Variants in PPP2R5A observed in about 807,000 individuals in gnomAD.
PPP2R5A encodes serine/threonine-protein phosphatase 2A 56 kDa regulatory subunit alpha isoform.
Under a neutral mutation model 64.2 loss-of-function variants are expected in PPP2R5A, and 25 were observed. That is an observed-to-expected ratio of 0.39 (90% CI 0.28 to 0.54). PPP2R5A has a LOEUF of 0.54. Ranked by LOEUF, PPP2R5A falls within the 20% of genes least tolerant of loss-of-function variation. PPP2R5A has a pLI of 0.67. For synonymous variants in PPP2R5A, 198 were observed against 201.2 expected, an observed-to-expected ratio of 0.98 and a Z score of 0.13; for missense variants, 425 against 576.3, an observed-to-expected ratio of 0.74 and a Z score of 2.69.
intron 1 of PPP2R5A, among the ~76,000 whole-genome samples, chr1:212,322,976 C>G (rs997681625): frequency 6.6e-6 from 1 of 152,030 alleles, no homozygotes; most frequent in African/African-American, 2.4e-5. Flanking sequence ...TTAGTAGAGA[C>G]GGTGTTTCAC....
chr1:212,347,601 G>A (rs551410506), intron 6 of PPP2R5A, among the ~76,000 whole-genome samples, 195 bp downstream of exon 6: 16 of 151,492 alleles, frequency 1.1e-4, no homozygotes, highest in African/African-American at 3.2e-4. Flanking sequence ...GTGCAATGGC[G>A]CGTTCTCGGC....
intron 11 of PPP2R5A, 53 bp from the exon 12 acceptor site, chr1:212,358,632 AT>A (rs1327315945): frequency 7.6e-7 from 1 of 1,318,534 alleles, no homozygotes; most frequent in African/African-American, 1.5e-5. Flanking sequence ...ATAGTGTTAC[AT>A]TTCCTCTCTG....
At position 212,360,908 on chromosome 1, in the gene PPP2R5A, A is replaced by G. The variant is rs1401763120; in HGVS notation, c.*138A>G. The G allele has an allele frequency of 2.7e-6, 2 of 735,848 alleles. No individual in the cohort carries two copies. Among genetic ancestry groups the G allele is most frequent in the East Asian group, 3.2e-5 (1 of 31,234 alleles). 45.6% of individuals were successfully genotyped at this position (735,848 alleles called of 1,614,324 possible). The stretch of plus-strand genomic sequence containing the variant: ...TTCTGGCAACTGTAAATGGAAAAAT[A>G]TATGGACTAAACGTAGCCCTGTGCT... On this transcript the variant is annotated 3_prime_UTR_variant, in exon 13 of 13. Coordinates refer to ENST00000261461, the MANE Select transcript of PPP2R5A (RefSeq NM_006243.4).
chr1:212,360,733 A>G lies in PPP2R5A; in HGVS notation c.1424A>G (p.Asn475Ser), dbSNP rs769301353. The G allele has an allele frequency of 6.3e-7, 1 of 1,594,256 alleles. No individual in the cohort carries two copies. Among genetic ancestry groups the G allele is most frequent in the Non-Finnish European group, 8.5e-7 (1 of 1,173,104 alleles). Reference protein sequence around the residue: ...KALEKQNSAYNMHSILSNTSA... With the variant: ...KALEKQNSAYSMHSILSNTSA... ...CTAGAAAAACAGAATAGTGCTTACAACATGCACAGTATTCTCAGCAATACA... is the reference window on the plus strand; with the variant it reads ...CTAGAAAAACAGAATAGTGCTTACAGCATGCACAGTATTCTCAGCAATACA... Residue 475 changes from asparagine to serine, a missense_variant, in exon 13 of 13, where the codon AAC becomes AGC. By Grantham distance (46) the Asn-to-Ser change is conservative. Transcript: ENST00000261461.
chr1:212,328,319 A>G (rs1382837582), intron 1 of PPP2R5A, among the ~76,000 whole-genome samples: 1 of 152,194 alleles, frequency 6.6e-6, no homozygotes, highest in East Asian at 1.9e-4. Context: ...TGTCTCAAAA[A>G]AATAAAAATT....
intron 4 of PPP2R5A, among the ~76,000 whole-genome samples, chr1:212,343,098 C>T (rs1054367319): frequency 6.6e-6 from 1 of 150,934 alleles, no homozygotes; most frequent in Non-Finnish European, 1.5e-5. Flanking sequence ...CAGGCACACG[C>T]CACCATGCCC....
intron 12 of PPP2R5A, among the ~76,000 whole-genome samples, 200 bp from the exon 13 acceptor site, chr1:212,360,438 C>A (rs11587555): frequency 2.6e-5 from 4 of 152,040 alleles, no homozygotes; most frequent in Non-Finnish European, 5.9e-5. Context: ...CTAGCTGGTA[C>A]AGGAGATGCA....
chr1:212,294,118 T>A (rs956885860), intron 1 of PPP2R5A, among the ~76,000 whole-genome samples: 2 of 152,140 alleles, frequency 1.3e-5, no homozygotes, highest in Non-Finnish European at 2.9e-5. Context: ...AATTGTATAT[T>A]TTTTTTCAGC....
At chr1:212,320,099 G>A (rs1423217208) in intron 1 of PPP2R5A, among the ~76,000 whole-genome samples, 1 of 151,728 alleles carries the variant, frequency 6.6e-6, no homozygotes, top group Non-Finnish European at 1.5e-5. Context: ...GCGGCCTTCC[G>A]CAGTGTTTGT....
intron 9 of PPP2R5A, 58 bp from the exon 10 acceptor site, chr1:212,356,892 T>C (rs1450007994): frequency 2.1e-6 from 3 of 1,400,328 alleles, no homozygotes; most frequent in African/African-American, 2.9e-5. Flanking sequence ...TTGTATGGTT[T>C]CTATATTAGT....
At chr1:212,346,077 T>A in intron 5 of PPP2R5A, 144 bp downstream of exon 5, 1 of 779,396 alleles carries the variant, frequency 1.3e-6, no homozygotes, top group Non-Finnish European at 1.9e-6. Context: ...ACATAGCTCA[T>A]TGTAGCCCCC....
chr1:212,323,788 A>G (rs1297231309), intron 1 of PPP2R5A, among the ~76,000 whole-genome samples: 1 of 152,146 alleles, frequency 6.6e-6, no homozygotes, highest in African/African-American at 2.4e-5. Context: ...AATGTGTAAC[A>G]TGGGGCTGGG....
At chr1:212,289,815 G>A (rs1054487733) in intron 1 of PPP2R5A, among the ~76,000 whole-genome samples, 3 of 151,216 alleles carry the variant, frequency 2.0e-5, no homozygotes, top group African/African-American at 7.4e-5. Context: ...CTTTCCTAGT[G>A]TATTTAAAGT....
intron 1 of PPP2R5A, among the ~76,000 whole-genome samples, chr1:212,293,694 AT>A (rs879752237): frequency 1.3e-3 from 189 of 145,784 alleles, no homozygotes; most frequent in Middle Eastern, 7.4e-3. Context: ...ACATACTGGA[AT>A]TTTTTTTTTT....
intron 1 of PPP2R5A, chr1:212,309,436 A>G (rs1571582681): frequency 8.7e-7 from 1 of 1,143,076 alleles, no homozygotes; most frequent in Non-Finnish European, 1.3e-6. Context: ...ACCTTTCAAC[A>G]TTGCCTTTTT....
chr1:212,348,791 T>A (rs1479001699), intron 7 of PPP2R5A, among the ~76,000 whole-genome samples: 1 of 152,200 alleles, frequency 6.6e-6, no homozygotes, highest in Non-Finnish European at 1.5e-5. Context: ...ACAGAATGTT[T>A]CTTCCAGCTG....
rs542024971 is a variant in PPP2R5A, at chr1:212,360,995, G to A, written c.*225G>A. ...TCATTGGATTTATTGTGTCACTTCTGAAGTTTCACAGAAATGAATGAATTT... is the reference window on the plus strand; with the variant it reads ...TCATTGGATTTATTGTGTCACTTCTAAAGTTTCACAGAAATGAATGAATTT... On this transcript the variant is annotated 3_prime_UTR_variant, in exon 13 of 13. Coordinates refer to ENST00000261461, the MANE Select transcript of PPP2R5A (RefSeq NM_006243.4). The A allele has an allele frequency of 6.3e-6, 2 of 317,218 alleles. No homozygotes were observed. The highest frequency in any genetic ancestry group is 2.1e-5 in the African/African-American group (1 of 46,766). The allele number at this position is 317,218 out of a possible 1,614,324, so 19.7% of individuals were successfully genotyped here.
intron 3 of PPP2R5A, among the ~76,000 whole-genome samples, chr1:212,335,960 T>C (rs1659587260): frequency 6.6e-6 from 1 of 152,196 alleles, no homozygotes; most frequent in South Asian, 2.1e-4. Context: ...TATATGCTCA[T>C]GGAAAGTAAC....
intron 8 of PPP2R5A, chr1:212,352,826 A>T: frequency 1.9e-6 from 1 of 519,114 alleles, no homozygotes; most frequent in South Asian, 1.4e-5. Flanking sequence ...TATGGCCTTT[A>T]TCAAAGCTGC....
Sources: gnomAD v4.1 joint callset for allele counts (sites outside exome capture counted in the v4.1 genomes callset) on GRCh38, gnomAD v4.1.1 for gene constraint, MANE v1.5 for transcripts, NCBI Gene and HGNC (gene_info 2026-07-23, HGNC 2026-07-21) for gene names.